The following CDH12 variants were observed in gnomAD, a reference collection of about 807,000 sequenced individuals.
The protein encoded by CDH12 is cadherin-12.
CDH12 carries 41 observed loss-of-function variants against 74.1 expected under a neutral mutation model. The ratio of observed to expected loss-of-function variants is 0.55; its 90% CI spans 0.43 to 0.72. The LOEUF is 0.72. Among genes scored for constraint, CDH12 ranks in the 30% least tolerant of loss-of-function variants. The pLI is 0.00. For synonymous variants in CDH12, 399 were observed against 355.0 expected (o/e 1.12, Z -1.39); for missense variants, 945 against 977.2 (o/e 0.97, Z 0.44).
chr5:22,331,885 T>C (rs1739365986), intron 3 of CDH12, among the ~76,000 whole-genome samples: 1 of 146,054 alleles, frequency 6.8e-6, no homozygotes, highest in South Asian at 2.3e-4. Flanking sequence ...AAGAATGAAT[T>C]GGAGTATTTT....
intron 5 of CDH12, among the ~76,000 whole-genome samples, chr5:21,993,051 G>A (rs969316380): frequency 4.6e-5 from 7 of 152,006 alleles, no homozygotes; most frequent in Non-Finnish European, 1.0e-4. Context: ...CTATCAGAAC[G>A]ATGAGGGGGA....
At chr5:22,507,227 C>T (rs1736426257) in intron 1 of CDH12, among the ~76,000 whole-genome samples, 1 of 152,076 alleles carries the variant, frequency 6.6e-6, no homozygotes, top group Non-Finnish European at 1.5e-5. Context: ...ATATATACTG[C>T]TTTATAAGAT....
At chr5:22,102,816 C>G (rs567676081) in intron 4 of CDH12, among the ~76,000 whole-genome samples, 1 of 152,228 alleles carries the variant, frequency 6.6e-6, no homozygotes, top group Middle Eastern at 3.4e-3. Flanking sequence ...AGAGTAGATT[C>G]ACGCTCTCTC....
At chr5:21,785,224 T>G (rs1208548547) in intron 10 of CDH12, among the ~76,000 whole-genome samples, 1 of 152,138 alleles carries the variant, frequency 6.6e-6, no homozygotes, top group East Asian at 1.9e-4. Context: ...CAATCAACGT[T>G]GTGTGTCCTG....
intron 8 of CDH12, among the ~76,000 whole-genome samples, chr5:21,829,622 G>A (rs549659756): frequency 6.6e-6 from 1 of 152,144 alleles, no homozygotes; most frequent in Non-Finnish European, 1.5e-5. Flanking sequence ...TAATTTCTAA[G>A]ACCAATAACA....
At chr5:22,034,398 G>C (rs944368899) in intron 5 of CDH12, among the ~76,000 whole-genome samples, 2 of 152,156 alleles carry the variant, frequency 1.3e-5, no homozygotes, top group African/African-American at 4.8e-5. Flanking sequence ...CAGAATTCTA[G>C]TAATGTCTCT....
chr5:22,682,530 A>G (rs1741550083), intron 1 of CDH12, among the ~76,000 whole-genome samples: 1 of 152,086 alleles, frequency 6.6e-6, no homozygotes, highest in South Asian at 2.1e-4. Context: ...AGTGTATATT[A>G]CAGGCTTCCT....
intron 2 of CDH12, among the ~76,000 whole-genome samples, chr5:22,460,418 AG>A (rs762356901): frequency 2.0e-5 from 3 of 152,174 alleles, no homozygotes; most frequent in Non-Finnish European, 2.9e-5. Flanking sequence ...ATAAATAAAA[AG>A]CATGTTTCTG....
At chr5:22,598,393 C>T (rs1736700186) in intron 1 of CDH12, among the ~76,000 whole-genome samples, 1 of 152,100 alleles carries the variant, frequency 6.6e-6, no homozygotes, top group African/African-American at 2.4e-5. Context: ...CGCATGAGAT[C>T]TGATGGTTTT....
At chr5:21,945,427 C>CAAAAAAAAAA (rs1167475672) in intron 6 of CDH12, among the ~76,000 whole-genome samples, 27 of 15,530 alleles carry the variant, frequency 1.7e-3, no homozygotes, top group African/African-American at 4.6e-3. Context: ...CTGTTTCAGA[C>CAAAAAAAAAA]AAAAAAAAAA....
intron 3 of CDH12, among the ~76,000 whole-genome samples, chr5:22,239,864 T>A (rs1208238960): frequency 6.6e-6 from 1 of 152,212 alleles, no homozygotes; most frequent in Non-Finnish European, 1.5e-5. Flanking sequence ...CCTTTTTATT[T>A]CCTTTTTGCT....
At chr5:21,808,083 A>C (rs752781520) in intron 9 of CDH12, among the ~76,000 whole-genome samples, 14 of 152,074 alleles carry the variant, frequency 9.2e-5, no homozygotes, top group Non-Finnish European at 1.2e-4. Flanking sequence ...AGAGCTAACA[A>C]CATTGTCATA....
chr5:22,781,097 C>T (rs1267730928), intron 1 of CDH12, among the ~76,000 whole-genome samples: 1 of 152,068 alleles, frequency 6.6e-6, no homozygotes, highest in African/African-American at 2.4e-5. Flanking sequence ...ATTTCAAATC[C>T]TTGAGTTGTT....
At chr5:22,720,538 T>C (rs1435192887) in intron 1 of CDH12, among the ~76,000 whole-genome samples, 1 of 151,940 alleles carries the variant, frequency 6.6e-6, no homozygotes, top group East Asian at 1.9e-4. Context: ...ACCTGAAATG[T>C]GGAAGTGAGT....
intron 1 of CDH12, among the ~76,000 whole-genome samples, chr5:22,611,386 A>C (rs144137477): frequency 6.6e-6 from 1 of 152,146 alleles, no homozygotes; most frequent in Admixed American, 6.5e-5. Flanking sequence ...AATTTAGTCA[A>C]TTCTGGCTCT....
At chr5:22,533,099 T>A (rs907791964) in intron 1 of CDH12, among the ~76,000 whole-genome samples, 1 of 152,154 alleles carries the variant, frequency 6.6e-6, no homozygotes, top group Non-Finnish European at 1.5e-5. Flanking sequence ...ATTTTTTTCT[T>A]TTTTCTTTTT....
intron 8 of CDH12, among the ~76,000 whole-genome samples, chr5:21,833,506 T>C (rs1214082784): frequency 1.7e-5 from 1 of 59,654 alleles, no homozygotes; most frequent in Non-Finnish European, 2.6e-5. Flanking sequence ...TAATATATAA[T>C]ATATGGCATA....
intron 1 of CDH12, among the ~76,000 whole-genome samples, chr5:22,773,970 A>G (rs147264710): frequency 6.6e-6 from 1 of 152,322 alleles, no homozygotes; most frequent in African/African-American, 2.4e-5. Context: ...GCTAGTTATT[A>G]AAATGTCAAA....
chr5:22,324,103 T>G (rs1738990910), intron 3 of CDH12, among the ~76,000 whole-genome samples: 1 of 152,166 alleles, frequency 6.6e-6, no homozygotes, highest in African/African-American at 2.4e-5. Flanking sequence ...ATGAACAAAA[T>G]TCACAATGAT....
Sources: allele counts gnomAD v4.1 joint callset (sites outside exome capture counted in the v4.1 genomes callset), GRCh38; gene constraint gnomAD v4.1.1; transcripts MANE v1.5; gene names NCBI Gene and HGNC (gene_info 2026-07-23, HGNC 2026-07-21).